Variants in GLRA3 observed in about 807,000 individuals in gnomAD.
GLRA3 encodes glycine receptor subunit alpha-3.
GLRA3 carries 44 observed loss-of-function variants against 60.4 expected under a neutral mutation model. The ratio of observed to expected loss-of-function variants is 0.73; its 90% CI spans 0.57 to 0.94. The LOEUF is 0.94. Among genes scored for constraint, GLRA3 ranks in the 40% least tolerant of loss-of-function variants. The pLI, the probability that GLRA3 is intolerant of heterozygous loss-of-function variation, is 0.00. For missense variants in GLRA3, 508 were observed against 564.6 expected, an observed-to-expected ratio of 0.90 and a Z score of 1.02; for synonymous variants, 223 against 192.9, an observed-to-expected ratio of 1.16 and a Z score of -1.29.
At chr4:174,672,234 G>A (rs894080996) in intron 7 of GLRA3, among the ~76,000 whole-genome samples, 9 of 152,060 alleles carry the variant, frequency 5.9e-5, no homozygotes, top group African/African-American at 2.2e-4. Context: ...ATCTCCCTAG[G>A]ATACTTCCCT....
intron 6 of GLRA3, among the ~76,000 whole-genome samples, chr4:174,678,400 T>C (rs923181276): frequency 6.6e-6 from 1 of 152,224 alleles, no homozygotes; most frequent in African/African-American, 2.4e-5. Context: ...ATTTGAGTTA[T>C]TTCAAGAAGG....
chr4:174,652,007 A>G (rs1331651901), intron 9 of GLRA3, among the ~76,000 whole-genome samples: 1 of 152,124 alleles, frequency 6.6e-6, no homozygotes, highest in Admixed American at 6.6e-5. Context: ...CCTGGACCTT[A>G]AAAACATCAA....
At chr4:174,676,001 G>A (rs912113639) in intron 7 of GLRA3, among the ~76,000 whole-genome samples, 1 of 152,018 alleles carries the variant, frequency 6.6e-6, no homozygotes, top group Non-Finnish European at 1.5e-5. Flanking sequence ...TGATTTTATT[G>A]CATTGAAGTA....
intron 5 of GLRA3, among the ~76,000 whole-genome samples, chr4:174,700,007 T>G (rs1010777235): frequency 6.6e-6 from 1 of 152,124 alleles, no homozygotes; most frequent in Non-Finnish European, 1.5e-5. Context: ...GTTAAGTATA[T>G]GCTGATTTCT....
chr4:174,637,707 G>A lies in GLRA3; in HGVS notation c.*6079C>T, dbSNP rs1262682776. Reference sequence around the variant, plus strand: ...TAAAAACACACAATATGGTTAATATGGTTTGCTGCTAGTTTTTTTAAATTC... The same window carrying A: ...TAAAAACACACAATATGGTTAATATAGTTTGCTGCTAGTTTTTTTAAATTC... On this transcript the variant is annotated 3_prime_UTR_variant, in exon 10 of 10. Transcript: ENST00000274093. 1 of 151,810 alleles carries A rather than the reference G, an allele frequency of 6.6e-6. No individual in the cohort carries two copies. The highest frequency in any genetic ancestry group is 1.5e-5 in the Non-Finnish European group (1 of 67,934). The allele number at this position is 151,810 out of a possible 1,614,324, so 9.4% of individuals were successfully genotyped here.
chr4:174,694,422 G>A (rs192723407), intron 5 of GLRA3, among the ~76,000 whole-genome samples: 2 of 152,140 alleles, frequency 1.3e-5, no homozygotes, highest in Admixed American at 1.3e-4. Flanking sequence ...ACAGAAGTCC[G>A]CACTATGAAA....
chr4:174,823,036 T>G (rs1740806993), intron 1 of GLRA3, among the ~76,000 whole-genome samples: 1 of 152,194 alleles, frequency 6.6e-6, no homozygotes, highest in Non-Finnish European at 1.5e-5. Flanking sequence ...GCCATGCAGT[T>G]GTTAGAATAG....
chr4:174,709,461 G>A (rs1375506943), intron 5 of GLRA3, among the ~76,000 whole-genome samples: 1 of 151,952 alleles, frequency 6.6e-6, no homozygotes, highest in African/African-American at 2.4e-5. Flanking sequence ...ATTGTCATGG[G>A]AACTGGCCTG....
chr4:174,827,441 T>C (rs1316397798), intron 1 of GLRA3, among the ~76,000 whole-genome samples: 3 of 151,610 alleles, frequency 2.0e-5, no homozygotes, highest in African/African-American at 4.8e-5. Context: ...TTAAGAAATA[T>C]AGAGAAATAA....
At chr4:174,822,432 G>A (rs1245192071) in intron 1 of GLRA3, among the ~76,000 whole-genome samples, 4 of 151,998 alleles carry the variant, frequency 2.6e-5, no homozygotes, top group Non-Finnish European at 4.4e-5. Flanking sequence ...GCACATATAG[G>A]AAAAAATAGT....
chr4:174,706,098 C>T (rs547759815), intron 5 of GLRA3, among the ~76,000 whole-genome samples: 61 of 151,966 alleles, frequency 4.0e-4, no homozygotes, highest in Middle Eastern at 3.4e-3. Flanking sequence ...GGCGTGGTGG[C>T]GGGCACCTGT....
intron 5 of GLRA3, among the ~76,000 whole-genome samples, chr4:174,685,155 T>G (rs1734506774): frequency 6.6e-6 from 1 of 152,166 alleles, no homozygotes; most frequent in Admixed American, 6.5e-5. Context: ...TGGAAACAAC[T>G]GGCATGGAGC....
At chr4:174,694,527 T>C (rs555414945) in intron 5 of GLRA3, among the ~76,000 whole-genome samples, 45 of 152,240 alleles carry the variant, frequency 3.0e-4, no homozygotes, top group African/African-American at 9.4e-4. Context: ...ATAAAGTTAT[T>C]TGAAAACAAT....
At chr4:174,786,822 A>G (rs1280594722) in intron 2 of GLRA3, among the ~76,000 whole-genome samples, 1 of 152,132 alleles carries the variant, frequency 6.6e-6, no homozygotes, top group African/African-American at 2.4e-5. Context: ...TCAGAGCACA[A>G]GATATTTTGA....
intron 9 of GLRA3, among the ~76,000 whole-genome samples, chr4:174,654,239 G>A (rs555774645): frequency 6.8e-4 from 103 of 152,204 alleles, no homozygotes; most frequent in African/African-American, 2.1e-3. Flanking sequence ...ATATACGTAC[G>A]TTTGTGTTTA....
In GLRA3 at chr4:174,688,317, T is replaced by TTATATATA. The variant is rs1734627732; in HGVS notation, c.575-5379_575-5378insTATATATA. Among the ~76,000 whole-genome samples the TTATATATA allele has an allele frequency of 1.4e-4, 10 of 71,334 alleles. 3 individuals carry two copies. Among genetic ancestry groups the TTATATATA allele is most frequent in the Admixed American group, 3.9e-4 (2 of 5,090 alleles). 46.8% of individuals were successfully genotyped at this position (71,334 alleles called of 152,430 possible). On this transcript the variant is annotated intron_variant, in intron 5 of 9. Transcript: ENST00000274093. Reference sequence around the variant, plus strand: ...CCATAGTACTTATCCTTACCTGACATCATATATATATATATATATATATAT... The same window carrying TTATATATA: ...CCATAGTACTTATCCTTACCTGACATTATATATACATATATATATATATATATATATAT...
intron 3 of GLRA3, among the ~76,000 whole-genome samples, chr4:174,748,398 T>C (rs555670412): frequency 1.3e-5 from 2 of 152,300 alleles, no homozygotes; most frequent in East Asian, 3.9e-4. Context: ...TACAACCATT[T>C]AAAGTAATTT....
chr4:174,818,460 C>G (rs1001732983), intron 1 of GLRA3, among the ~76,000 whole-genome samples: 2 of 152,060 alleles, frequency 1.3e-5, no homozygotes, highest in Non-Finnish European at 2.9e-5. Context: ...ACAGTTATCA[C>G]TTAGGGGGAA....
At chr4:174,648,906 T>C (rs866539598) in intron 9 of GLRA3, among the ~76,000 whole-genome samples, 2 of 152,170 alleles carry the variant, frequency 1.3e-5, no homozygotes, top group Non-Finnish European at 2.9e-5. Context: ...GATTATTGCC[T>C]GCTGGGAGGA....
Sources: allele counts gnomAD v4.1 joint callset (sites outside exome capture counted in the v4.1 genomes callset), GRCh38; gene constraint gnomAD v4.1.1; transcripts MANE v1.5; gene names NCBI Gene and HGNC (gene_info 2026-07-23, HGNC 2026-07-21).